Variants in HSD17B12 observed in about 807,000 individuals in gnomAD.
The protein encoded by HSD17B12 is hydroxysteroid 17-beta dehydrogenase 12, also known as very-long-chain 3-oxoacyl-CoA reductase.
HSD17B12 carries 32 observed loss-of-function variants against 39.3 expected under a neutral mutation model. The ratio of observed to expected loss-of-function variants is 0.81; its 90% CI spans 0.61 to 1.09. The LOEUF is 1.09. Ranked by LOEUF, HSD17B12 falls within the 50% of genes least tolerant of loss-of-function variation. The probability of loss-of-function intolerance (pLI) is 0.00; values close to 1 mark genes in which losing one functional copy is unlikely to be tolerated. For missense variants in HSD17B12, 342 were observed against 382.9 expected, an observed-to-expected ratio of 0.89 and a Z score of 0.89; for synonymous variants, 150 against 146.7, an observed-to-expected ratio of 1.02 and a Z score of -0.16.
At chr11:43,767,172 A>G (rs991979024) in intron 3 of HSD17B12, among the ~76,000 whole-genome samples, 12 of 151,736 alleles carry the variant, frequency 7.9e-5, no homozygotes, top group African/African-American at 2.4e-4. Context: ...GGTCTTTCCA[A>G]TTGGATTATT....
chr11:43,669,925 C>T, the HSD17B12 span, among the ~76,000 whole-genome samples: 1 of 152,144 alleles, frequency 6.6e-6, no homozygotes, highest in Admixed American at 6.5e-5. Context: ...TCATGTTACC[C>T]AGGAAACAGA....
the HSD17B12 span, among the ~76,000 whole-genome samples, chr11:43,575,575 C>G: frequency 4.6e-5 from 7 of 152,338 alleles, no homozygotes; most frequent in South Asian, 1.4e-3. The surrounding 1 kb of genome is among the most constrained non-coding windows in gnomAD (Gnocchi z 4.1). Flanking sequence ...TAGGCTGCAG[C>G]CTGCTCTGCA....
At chr11:43,705,564 T>G (rs1490438772) in intron 1 of HSD17B12, among the ~76,000 whole-genome samples, 1 of 152,098 alleles carries the variant, frequency 6.6e-6, no homozygotes, top group Admixed American at 6.6e-5. Context: ...TTGTGCATAT[T>G]TCTTTCTAAT....
At chr11:43,828,475 G>T (rs1287908377) in intron 6 of HSD17B12, among the ~76,000 whole-genome samples, 1 of 152,116 alleles carries the variant, frequency 6.6e-6, no homozygotes, top group African/African-American at 2.4e-5. Context: ...AATTAAAATT[G>T]TTCGCTATAC....
the HSD17B12 span, among the ~76,000 whole-genome samples, chr11:43,593,227 G>A: frequency 5.9e-3 from 900 of 152,244 alleles, 7 homozygotes; most frequent in African/African-American, 0.021. Flanking sequence ...ATGTTAGAAC[G>A]GTCTCATGTG....
chr11:43,816,289 T>C, intron 5 of HSD17B12, 58 bp from the exon 6 acceptor site: 3 of 1,327,086 alleles, frequency 2.3e-6, no homozygotes, highest in Non-Finnish European at 3.0e-6. Flanking sequence ...TAAGTAGATA[T>C]CTAATAGGGT....
At chr11:43,806,954 A>G (rs998317355) in intron 4 of HSD17B12, among the ~76,000 whole-genome samples, 5 of 152,234 alleles carry the variant, frequency 3.3e-5, no homozygotes, top group Non-Finnish European at 7.3e-5. Context: ...AATATGTATC[A>G]GTTTTAAAAA....
chr11:43,843,453 A>G (rs1259927515), intron 9 of HSD17B12, among the ~76,000 whole-genome samples: 1 of 152,122 alleles, frequency 6.6e-6, no homozygotes, highest in African/African-American at 2.4e-5. Context: ...TTTCCTTCCT[A>G]GTCCTCCAGT....
rs78685512 is a variant in HSD17B12 at position 43,683,245 on chromosome 11, C to T, written c.160+2258C>T. Reference sequence around the variant, plus strand: ...AACATTTGTGTTGAAAAGATTTGGCCCCAGAGGAAGGATAATTGATAAATT... The same window carrying T: ...AACATTTGTGTTGAAAAGATTTGGCTCCAGAGGAAGGATAATTGATAAATT... On this transcript the variant is annotated intron_variant, in intron 1 of 10. Transcript: ENST00000278353. 8.6e-3 allele frequency among the ~76,000 whole-genome samples: 1,301 copies of T among 151,660 alleles called. 5 individuals are homozygous for T. Among genetic ancestry groups the T allele is most frequent in the Non-Finnish European group, 0.014 (975 of 67,908 alleles).
At chr11:43,787,996 A>G (rs1182587508) in intron 3 of HSD17B12, among the ~76,000 whole-genome samples, 1 of 152,180 alleles carries the variant, frequency 6.6e-6, no homozygotes, top group Non-Finnish European at 1.5e-5. Context: ...ATAAAAAGAG[A>G]TTACTTTTTT....
At chr11:43,567,508 CT>C in the HSD17B12 span, among the ~76,000 whole-genome samples, 1 of 152,228 alleles carries the variant, frequency 6.6e-6, no homozygotes, top group Non-Finnish European at 1.5e-5. Flanking sequence ...CCTGTGGCCT[CT>C]GGGCAGAGAT....
intron 3 of HSD17B12, among the ~76,000 whole-genome samples, chr11:43,797,935 TACAAAGC>T (rs1479817005): frequency 3.3e-5 from 5 of 152,222 alleles, no homozygotes; most frequent in African/African-American, 1.2e-4. Context: ...TTCCTGAAGT[TACAAAGC>T]ACCAATTTAC....
At chr11:43,801,483 T>G (rs1407556398) in intron 4 of HSD17B12, among the ~76,000 whole-genome samples, 1 of 152,080 alleles carries the variant, frequency 6.6e-6, no homozygotes, top group African/African-American at 2.4e-5. Flanking sequence ...CTGCATTTGC[T>G]GAAATGGAGA....
the HSD17B12 span, among the ~76,000 whole-genome samples, chr11:43,652,478 G>A: frequency 3.3e-5 from 5 of 152,052 alleles, no homozygotes; most frequent in African/African-American, 1.2e-4. Context: ...CTATCTACCT[G>A]GAGATAGCCT....
chr11:43,643,268 A>T, the HSD17B12 span, among the ~76,000 whole-genome samples: 3 of 152,032 alleles, frequency 2.0e-5, no homozygotes, highest in African/African-American at 7.2e-5. Context: ...TTGAACTTAC[A>T]TTGATGATAC....
chr11:43,781,569 C>G (rs1950766099), intron 3 of HSD17B12, among the ~76,000 whole-genome samples: 1 of 151,982 alleles, frequency 6.6e-6, no homozygotes, highest in Non-Finnish European at 1.5e-5. Context: ...AGTAAGAAAA[C>G]CAAAAATGCT....
At chr11:43,671,250 C>T in the HSD17B12 span, among the ~76,000 whole-genome samples, 25 of 152,222 alleles carry the variant, frequency 1.6e-4, no homozygotes, top group African/African-American at 4.8e-4. Flanking sequence ...TGGGTTCAAG[C>T]GATTCTCCAG....
At chr11:43,808,133 T>C (rs920076775) in intron 4 of HSD17B12, among the ~76,000 whole-genome samples, 2 of 152,132 alleles carry the variant, frequency 1.3e-5, no homozygotes, top group Admixed American at 6.6e-5. Context: ...CTTTGGGATA[T>C]GTTAAGCTTA....
At chr11:43,697,091 T>C (rs965325049) in intron 1 of HSD17B12, among the ~76,000 whole-genome samples, 5 of 152,192 alleles carry the variant, frequency 3.3e-5, no homozygotes, top group Non-Finnish European at 5.9e-5. Context: ...AGATGATGTG[T>C]TGATAGGTAC....
Sources: allele counts gnomAD v4.1 joint callset (sites outside exome capture counted in the v4.1 genomes callset), GRCh38; gene constraint gnomAD v4.1.1; non-coding constraint Gnocchi (gnomAD v3.1); transcripts MANE v1.5; gene names NCBI Gene and HGNC (gene_info 2026-07-23, HGNC 2026-07-21).